Variants in CBX6 observed in about 807,000 individuals in gnomAD.
CBX6 encodes the protein chromobox 6.
In CBX6, 7 loss-of-function variants were observed where a neutral mutation model predicts 28.4. The observed-to-expected ratio is 0.25, with a 90% CI of 0.14 to 0.46. The LOEUF (loss-of-function observed/expected upper bound fraction) is 0.46. Ranked by LOEUF, CBX6 falls within the 20% of genes least tolerant of loss-of-function variation. CBX6 has a pLI of 0.99. For missense variants in CBX6, 512 were observed against 606.1 expected, an observed-to-expected ratio of 0.84 and a Z score of 1.63; for synonymous variants, 297 against 273.4, an observed-to-expected ratio of 1.09 and a Z score of -0.85.
rs1568995446 is a variant in CBX6, at chr22:38,866,624, G to A, written c.824C>T (p.Ser275Phe). Residue 275 changes from serine to phenylalanine, a missense_variant, in exon 5 of 5, where the codon TCC (serine) becomes TTC (phenylalanine). Around this residue, in one of 7 missense-constraint regions of CBX6, gnomAD observed 290 missense variants for 274.1 expected, o/e 1.06. Transcript: ENST00000407418. This position sits in a 1 kb window ranked among gnomAD's most constrained non-coding sequence, Gnocchi z 7.5. ...TGGTGTAGGCGAGGGGCAGCCGGAG[G>A]AGCCAGAGCTGCGGGCGTCGTAGGG... Reference protein sequence around the residue: ...AAPYDARSSGSSGCPSPTPQS... With the variant: ...AAPYDARSSGFSGCPSPTPQS... 6 of 1,516,168 alleles carry A rather than the reference G, an allele frequency of 4.0e-6. No individual in the cohort carries two copies. The highest frequency in any genetic ancestry group is 2.9e-5 in the African/African-American group (2 of 69,726). The allele number at this position is 1,516,168 out of a possible 1,614,324, so 93.9% of individuals were successfully genotyped here. A position where few individuals can be genotyped will look rare whatever the true frequency, so the allele number is the denominator to read the frequency against.
rs2093173059 is a variant in CBX6 at position 38,867,278 on chromosome 22, C to G, written c.247-77G>C. ...CCCTGGATGTCCCTACGCCAGCCAG[C>G]CCTAAGTAGAGCCTCTCAGCCAGCG... On this transcript the variant is annotated intron_variant, in intron 4 of 4. Coordinates refer to ENST00000407418, the MANE Select transcript of CBX6 (RefSeq NM_014292.5). 2.3e-6 allele frequency: 3 copies of G among 1,326,124 alleles called. No individual in the cohort carries two copies. In the Admixed American group the frequency reaches 7.4e-5, roughly 33 times the overall value. The allele number at this position is 1,326,124 out of a possible 1,614,324, so 82.1% of individuals were successfully genotyped here.
intron 4 of CBX6, among the ~76,000 whole-genome samples, chr22:38,867,636 C>T (rs2093173797): frequency 6.6e-6 from 1 of 152,350 alleles, no homozygotes; most frequent in African/African-American, 2.4e-5. Flanking sequence ...CCTCCACGGA[C>T]TCATTCGTGG....
Position 38,867,100 on chromosome 22 carries a change from C to A in CBX6, c.348G>T (p.Val116=). The A allele has an allele frequency of 1.3e-6, 2 of 1,595,038 alleles. No homozygotes were observed. Among genetic ancestry groups the A allele is most frequent in the Non-Finnish European group, 1.7e-6 (2 of 1,173,114 alleles). ...GGCGGATGTCCTTCTTGAGCCGGTG[C>A]ACGGCTGCGCTGGAGTGCAGCTTGG... The part of the protein sequence containing the change: ...SSPKLHSSAA[V]HRLKKDIRRC... Residue 116 remains valine, a synonymous_variant, in exon 5 of 5, where the codon GTG becomes GTT. Coordinates refer to ENST00000407418, the MANE Select transcript of CBX6 (RefSeq NM_014292.5).
intron 4 of CBX6, 27 bp from the exon 5 acceptor site, chr22:38,867,228 G>GGGGGGGA: frequency 1.9e-6 from 1 of 518,864 alleles, no homozygotes; most frequent in Non-Finnish European, 3.6e-6. Context: ...GGGTGGGTGG[G>GGGGGGGA]ACCTCAGGAC....
In CBX6 at chr22:38,866,537, G is replaced by C; in HGVS notation, c.911C>G (p.Ala304Gly). 1 of 1,580,466 alleles carries C rather than the reference G, an allele frequency of 6.3e-7. No individual in the cohort carries two copies. The highest frequency in any genetic ancestry group is 1.7e-4 in the Middle Eastern group (1 of 5,938). The change falls in exon 5 of 5, where the codon GCC (alanine) becomes GGC (glycine). Residue 304 changes from alanine (A) to glycine (G), a missense_variant. Ala to Gly is a moderately conservative substitution (Grantham distance 60). This residue lies in a region of CBX6 where 290 missense variants were observed against 274.1 expected (regional missense o/e 1.06). Coordinates refer to ENST00000407418, the MANE Select transcript of CBX6 (RefSeq NM_014292.5). The surrounding 1 kb of genome is among the most constrained non-coding windows in gnomAD (Gnocchi z 7.5). ...CACCTCCGGCTCGCGCCAGCTGGGG[G>C]CGGATGGGCTCACGGTCTCGGGGAG... The part of the protein sequence containing the change: ...KLLPETVSPS[A>G]PSWREPEVLD...
At position 38,866,154 on chromosome 22, in the gene CBX6, A is replaced by T. The variant is rs1193666202; in HGVS notation, c.*55T>A. The T allele has an allele frequency of 1.6e-6, 2 of 1,262,172 alleles. No individual in the cohort carries two copies. The highest frequency in any genetic ancestry group is 2.2e-6 in the Non-Finnish European group (2 of 899,588). 78.2% of individuals were successfully genotyped at this position (1,262,172 alleles called of 1,614,324 possible). On this transcript the variant is annotated 3_prime_UTR_variant, in exon 5 of 5. Transcript: ENST00000407418. The surrounding 1 kb of genome is among the most constrained non-coding windows in gnomAD (Gnocchi z 7.5). Reference sequence around the variant, plus strand: ...GGGGCAAGGGTGGGGTGGGAGCAAGAGTATGACTTCGGGCAGGAGGGCCCC... The same window carrying T: ...GGGGCAAGGGTGGGGTGGGAGCAAGTGTATGACTTCGGGCAGGAGGGCCCC...
chr22:38,862,987 C>T lies in CBX6; in HGVS notation c.*3222G>A, dbSNP rs1050226489. On this transcript the variant is annotated 3_prime_UTR_variant, in exon 5 of 5. Coordinates refer to ENST00000407418, the MANE Select transcript of CBX6 (RefSeq NM_014292.5). ...ACACTGAAGTTGGGGACTTGATCAT[C>T]ACCTCTTCCCAGATCATAGGAAGGA... 1 of 152,290 alleles carries T rather than the reference C, an allele frequency of 6.6e-6. No homozygotes were observed. Among genetic ancestry groups the T allele is most frequent in the Non-Finnish European group, 1.5e-5 (1 of 68,068 alleles). 9.4% of individuals were successfully genotyped at this position (152,290 alleles called of 1,614,324 possible).
In CBX6 at chr22:38,866,891, C is replaced by T. The variant is rs761609159; in HGVS notation, c.557G>A (p.Gly186Asp). The T allele has an allele frequency of 6.3e-6, 10 of 1,597,428 alleles. No individual in the cohort carries two copies. Among genetic ancestry groups the T allele is most frequent in the Non-Finnish European group, 8.5e-6 (10 of 1,173,396 alleles). The change falls in exon 5 of 5, where the codon GGC becomes GAC. Residue 186 changes from glycine (G) to aspartate (D), a missense_variant. Coordinates refer to ENST00000407418, the MANE Select transcript of CBX6 (RefSeq NM_014292.5). The surrounding 1 kb of genome is among the most constrained non-coding windows in gnomAD (Gnocchi z 7.5). The part of the protein sequence containing the change: ...LNLKVIDKGA[G>D]GGGAGQGAGA... ...GGCCCCCTGCCCGGCGCCCCCGCCG[C>T]CAGCGCCCTTGTCGATCACCTTCAG...
intron 4 of CBX6, among the ~76,000 whole-genome samples, chr22:38,867,503 T>C (rs1012003589): frequency 5.9e-5 from 9 of 152,208 alleles, no homozygotes; most frequent in African/African-American, 2.2e-4. Context: ...GGCCACTCCA[T>C]GGCTGCCCTT....
Position 38,866,326 on chromosome 22 carries a change from G to A in CBX6, c.1122C>T (p.Thr374=), listed in dbSNP as rs2093169301. Residue 374 remains threonine, a synonymous_variant, in exon 5 of 5, where the codon ACC becomes ACT. Transcript: ENST00000407418. This position sits in a 1 kb window ranked among gnomAD's most constrained non-coding sequence, Gnocchi z 7.5. ...PCSNVVVTDV[T]SNLLTVTIKE... ...TGATTGTGACCGTCAGGAGGTTGCT[G>A]GTGACATCGGTGACGACCACATTGG... 3 of 1,613,858 alleles carry A rather than the reference G, an allele frequency of 1.9e-6. No homozygotes were observed. Among genetic ancestry groups the A allele is most frequent in the African/African-American group, 1.3e-5 (1 of 74,930 alleles).
Position 38,866,499 on chromosome 22 carries a change from G to C in CBX6, c.949C>G (p.Leu317Val). 1 of 1,591,190 alleles carries C rather than the reference G, an allele frequency of 6.3e-7. No homozygotes were observed. The highest frequency in any genetic ancestry group is 1.1e-5 in the South Asian group (1 of 90,054). Reference protein sequence around the residue: ...WREPEVLDLSLPPESAATSKR... With the variant: ...WREPEVLDLSVPPESAATSKR... Reference sequence around the variant, plus strand: ...CTGGTGGCTGCCGACTCGGGAGGGAGGGACAGGTCGAGCACCTCCGGCTCG... The same window carrying C: ...CTGGTGGCTGCCGACTCGGGAGGGACGGACAGGTCGAGCACCTCCGGCTCG... Residue 317 changes from leucine to valine, a missense_variant, in exon 5 of 5, where the codon CTC becomes GTC. Physicochemically the swap from Leu to Val is conservative, Grantham distance 32. Around this residue, in one of 7 missense-constraint regions of CBX6, gnomAD observed 290 missense variants for 274.1 expected, o/e 1.06. Transcript: ENST00000407418. This position sits in a 1 kb window ranked among gnomAD's most constrained non-coding sequence, Gnocchi z 7.5.
rs768447845 is a variant in CBX6 at position 38,867,025 on chromosome 22, C to G, written c.423G>C (p.Gly141=). The G allele has an allele frequency of 4.4e-6, 7 of 1,605,472 alleles. No homozygotes were observed. Among genetic ancestry groups the G allele is most frequent in the Non-Finnish European group, 5.9e-6 (7 of 1,177,236 alleles). Residue 141 remains glycine (G), a synonymous_variant, in exon 5 of 5, where the codon GGG becomes GGC. Transcript: ENST00000407418. ...TGGGCGGGCGCAGTCCGGGGCTGCC[C>G]CCCTGCGGGTCCGGGCGGGGCAGGG... is the stretch of plus-strand genomic sequence containing the variant. The part of the protein sequence containing the change: ...RRPLPRPDPQ[G]GSPGLRPPIS...
At chr22:38,867,228 G>GGGGGGCC in intron 4 of CBX6, 27 bp from the exon 5 acceptor site, 1 of 518,862 alleles carries the variant, frequency 1.9e-6, no homozygotes, top group Non-Finnish European at 3.6e-6. Flanking sequence ...GGGTGGGTGG[G>GGGGGGCC]ACCTCAGGAC....
chr22:38,862,559 A>C lies in CBX6; in HGVS notation c.*3650T>G, dbSNP rs2093160013. On this transcript the variant is annotated 3_prime_UTR_variant, in exon 5 of 5. Coordinates refer to ENST00000407418, the MANE Select transcript of CBX6 (RefSeq NM_014292.5). ...AAAAAAAAAAAAGAAAGAAAGAAAAAAGAAAAACAAAAGAAAAAAGAAAAA... is the reference window on the plus strand; with the variant it reads ...AAAAAAAAAAAAGAAAGAAAGAAAACAGAAAAACAAAAGAAAAAAGAAAAA... The C allele has an allele frequency of 6.6e-6, 1 of 151,628 alleles. No individual in the cohort carries two copies. The highest frequency in any genetic ancestry group is 6.6e-5 in the Admixed American group (1 of 15,214). The allele number at this position is 151,628 out of a possible 1,614,324, so 9.4% of individuals were successfully genotyped here.
At position 38,862,518 on chromosome 22, in the gene CBX6, C is replaced by CAAAAAAAAAAAAAAAAAAAAAAA. The variant is rs3042739; in HGVS notation, c.*3668_*3690dup. On this transcript the variant is annotated 3_prime_UTR_variant, in exon 5 of 5. Transcript: ENST00000407418. ...TCCACTGTCCTGTGTGGGCGAAGTG[C>CAAAAAAAAAAAAAAAAAAAAAAA]AAAAAAAAAAAAAAAAAAAAAAAAA... 3.3e-4 allele frequency: 9 copies of CAAAAAAAAAAAAAAAAAAAAAAA among 27,424 alleles called. No individual in the cohort carries two copies. The highest frequency in any genetic ancestry group is 9.1e-4 in the African/African-American group (5 of 5,476). 1.7% of individuals were successfully genotyped at this position (27,424 alleles called of 1,614,324 possible).
intron 4 of CBX6, among the ~76,000 whole-genome samples, chr22:38,867,801 T>C (rs901723156): frequency 1.4e-4 from 21 of 152,224 alleles, no homozygotes; most frequent in African/African-American, 5.1e-4. Flanking sequence ...GCCACCATAC[T>C]TCCCTGGATG....
chr22:38,862,727 C>G lies in CBX6; in HGVS notation c.*3482G>C, dbSNP rs2093160468. The G allele has an allele frequency of 6.6e-6, 1 of 152,296 alleles. No individual in the cohort carries two copies. The highest frequency in any genetic ancestry group is 1.5e-5 in the Non-Finnish European group (1 of 68,158). The allele number at this position is 152,296 out of a possible 1,614,324, so 9.4% of individuals were successfully genotyped here. On this transcript the variant is annotated 3_prime_UTR_variant, in exon 5 of 5. Coordinates refer to ENST00000407418, the MANE Select transcript of CBX6 (RefSeq NM_014292.5). ...CTCCCTGTTGGGGCTGACCCTCCAGCCTTGGGCGGGCCCACCGGCCTGGCT... is the reference window on the plus strand; with the variant it reads ...CTCCCTGTTGGGGCTGACCCTCCAGGCTTGGGCGGGCCCACCGGCCTGGCT...
At position 38,866,439 on chromosome 22, in the gene CBX6, C is replaced by G; in HGVS notation, c.1009G>C (p.Gly337Arg). The change falls in exon 5 of 5, where the codon GGC becomes CGC. Residue 337 changes from glycine (G) to arginine (R), a missense_variant. Around this residue, in one of 7 missense-constraint regions of CBX6, gnomAD observed 290 missense variants for 274.1 expected, o/e 1.06. Coordinates refer to ENST00000407418, the MANE Select transcript of CBX6 (RefSeq NM_014292.5). This position sits in a 1 kb window ranked among gnomAD's most constrained non-coding sequence, Gnocchi z 7.5. ...RAPPEVTAAA[G>R]PAPPTAPEPA... ...TCAGGGGCCGTGGGAGGTGCCGGGC[C>G]GGCAGCAGCTGTGACCTCAGGCGGT... 6.2e-7 allele frequency: 1 copy of G among 1,608,964 alleles called. No homozygotes were observed. Among genetic ancestry groups the G allele is most frequent in the Non-Finnish European group, 8.5e-7 (1 of 1,178,882 alleles).
At chr22:38,867,228 G>GGTGGC in intron 4 of CBX6, 27 bp from the exon 5 acceptor site, 16 of 518,848 alleles carry the variant, frequency 3.1e-5, no homozygotes, top group East Asian at 5.0e-5. Flanking sequence ...GGGTGGGTGG[G>GGTGGC]ACCTCAGGAC....
Sources: allele counts gnomAD v4.1 joint callset (sites outside exome capture counted in the v4.1 genomes callset), GRCh38; gene constraint gnomAD v4.1.1; regional missense constraint gnomAD v4.1.1; non-coding constraint Gnocchi (gnomAD v3.1); transcripts MANE v1.5; gene names NCBI Gene and HGNC (gene_info 2026-07-23, HGNC 2026-07-21).